Variants in ADNP observed in about 807,000 individuals in gnomAD.
ADNP encodes activity-dependent neuroprotector homeobox protein.
In ADNP, 4 loss-of-function variants were observed where a neutral mutation model predicts 84.9. The ratio of observed to expected loss-of-function variants is 0.05; its 90% CI spans 0.02 to 0.11. ADNP has a LOEUF of 0.11. Among genes scored for constraint, ADNP ranks in the 10% least tolerant of loss-of-function variants. The pLI is 1.00. For synonymous variants in ADNP, 554 were observed against 468.1 expected (o/e 1.18, Z -2.37); for missense variants, 1,132 against 1,326.0 (o/e 0.85, Z 2.27).
At chr20:50,916,451 G>A (rs889835856) in intron 2 of ADNP, among the ~76,000 whole-genome samples, 2 of 152,026 alleles carry the variant, frequency 1.3e-5, no homozygotes, top group African/African-American at 2.4e-5. Flanking sequence ...TTTAAGACAC[G>A]CCCCTCTTCT....
rs539899954 is a variant in ADNP, at chr20:50,893,652, G to A, written c.1062C>T (p.Asn354=). 50 of 1,614,130 alleles carry A rather than the reference G, an allele frequency of 3.1e-5. No individual in the cohort carries two copies. Among genetic ancestry groups the A allele is most frequent in the Middle Eastern group, 1.6e-4 (1 of 6,062 alleles). ...ATTGTTGAGGAATGGAAACTGGTGC[G>A]TTGCCACCTAGACCCAGTCTCATTG... ...GQSMRLGLGG[N]APVSIPQQSQ... The change falls in exon 6 of 6, where the codon AAC becomes AAT. Residue 354 remains asparagine, a synonymous_variant. Transcript: ENST00000621696. The surrounding 1 kb of genome is among the most constrained non-coding windows in gnomAD (Gnocchi z 4.4).
At position 50,901,321 on chromosome 20, in the gene ADNP, T is replaced by TAAAAA. The variant is rs11470054; in HGVS notation, c.201+691_201+695dup. Among the ~76,000 whole-genome samples the TAAAAA allele has an allele frequency of 6.4e-4, 59 of 92,754 alleles. 2 individuals carry two copies. The highest frequency in any genetic ancestry group is 1.4e-3 in the African/African-American group (34 of 24,228). The allele number at this position is 92,754 out of a possible 152,430, so 60.9% of individuals were successfully genotyped here. The stretch of plus-strand genomic sequence containing the variant: ...GGTTAGTAACTTTGCCTGGGGTATT[T>TAAAAA]AAAAAAAAAAAAAAAAAAAAAAAAA... On this transcript the variant is annotated intron_variant, in intron 5 of 5. Transcript: ENST00000621696.
At chr20:50,917,230 GT>G (rs1446842386) in intron 2 of ADNP, among the ~76,000 whole-genome samples, 2 of 152,194 alleles carry the variant, frequency 1.3e-5, no homozygotes, top group African/African-American at 4.8e-5. Context: ...AATACCCAAG[GT>G]TGAAATGGTC....
intron 4 of ADNP, among the ~76,000 whole-genome samples, chr20:50,903,071 G>C (rs961396619): frequency 1.2e-4 from 19 of 152,210 alleles, no homozygotes; most frequent in Non-Finnish European, 2.6e-4. Context: ...AACACTTACT[G>C]ATCACCTATT....
chr20:50,901,025 T>C (rs1981920203), intron 5 of ADNP, among the ~76,000 whole-genome samples: 1 of 152,200 alleles, frequency 6.6e-6, no homozygotes, highest in Non-Finnish European at 1.5e-5. Flanking sequence ...TATACTGATA[T>C]CAAAGAGCAA....
chr20:50,921,879 T>G (rs1289131717), intron 2 of ADNP, among the ~76,000 whole-genome samples: 1 of 152,148 alleles, frequency 6.6e-6, no homozygotes, highest in African/African-American at 2.4e-5. Context: ...TATACCAATT[T>G]AGATTTAGGG....
Position 50,893,731 on chromosome 20 carries a change from T to C in ADNP, c.983A>G (p.Gln328Arg), listed in dbSNP as rs375259330. 6.2e-7 allele frequency: 1 copy of C among 1,614,074 alleles called. No homozygotes were observed. Among genetic ancestry groups the C allele is most frequent in the Non-Finnish European group, 8.5e-7 (1 of 1,180,058 alleles). ...GVNMMSSVHL[Q>R]QNNYGVKSVG... ...AGATTTGACTCCATAGTTGTTCTGCTGCAGATGAACACTGGACATCATGTT... is the reference window on the plus strand; with the variant it reads ...AGATTTGACTCCATAGTTGTTCTGCCGCAGATGAACACTGGACATCATGTT... The change falls in exon 6 of 6, where the codon CAG becomes CGG. Residue 328 changes from glutamine (Q) to arginine (R), a missense_variant. This residue lies in a region of ADNP where 239 missense variants were observed against 213.2 expected (regional missense o/e 1.12). Coordinates refer to ENST00000621696, the MANE Select transcript of ADNP (RefSeq NM_001282531.3). The surrounding 1 kb of genome is among the most constrained non-coding windows in gnomAD (Gnocchi z 4.4).
chr20:50,921,911 T>C (rs962823278), intron 2 of ADNP, among the ~76,000 whole-genome samples: 5 of 152,190 alleles, frequency 3.3e-5, no homozygotes, highest in African/African-American at 4.8e-5. Flanking sequence ...TGAGGAGCAC[T>C]TCCCAGTTTA....
chr20:50,911,514 T>TC (rs1354988852), intron 2 of ADNP, among the ~76,000 whole-genome samples: 14 of 151,840 alleles, frequency 9.2e-5, no homozygotes, highest in East Asian at 7.7e-4. Context: ...TCTTTTCTTT[T>TC]TTTTTTTTTT....
At chr20:50,923,689 T>G (rs927133605) in intron 2 of ADNP, among the ~76,000 whole-genome samples, 1 of 152,134 alleles carries the variant, frequency 6.6e-6, no homozygotes, top group Non-Finnish European at 1.5e-5. Flanking sequence ...GGATAACTTT[T>G]GTATTTTTAG....
intron 1 of ADNP, among the ~76,000 whole-genome samples, chr20:50,930,040 T>TG (rs562873031): frequency 5.3e-5 from 8 of 150,836 alleles, no homozygotes; most frequent in East Asian, 3.9e-4. Flanking sequence ...GGATCAAGGT[T>TG]GGGGGGGAGG....
rs1195573009 is a variant in ADNP, at chr20:50,909,097, A to T, written c.-89-4248T>A. 2.0e-5 allele frequency among the ~76,000 whole-genome samples: 3 copies of T among 151,146 alleles called. No homozygotes were observed. In the East Asian group the frequency reaches 5.9e-4, roughly 29 times the overall value. On this transcript the variant is annotated intron_variant, in intron 2 of 5. Transcript: ENST00000621696. ...AAAAAAAAAAAAAAATTTGCCAGCC[A>T]TGGTGGCTCACGCCTATAATCCCAG...
At chr20:50,922,577 C>T (rs1337236858) in intron 2 of ADNP, among the ~76,000 whole-genome samples, 1 of 112,826 alleles carries the variant, frequency 8.9e-6, no homozygotes, top group Non-Finnish European at 1.7e-5. Context: ...AGTCCTCCTG[C>T]GTTTTTTTTT....
intron 5 of ADNP, among the ~76,000 whole-genome samples, chr20:50,896,864 G>GT (rs1281372562): frequency 1.3e-5 from 2 of 152,304 alleles, no homozygotes; most frequent in East Asian, 3.9e-4. Context: ...AGATTTGATT[G>GT]TAAGCAGATA....
chr20:50,894,654 G>A, intron 5 of ADNP, 142 bp from the exon 6 acceptor site: 2 of 887,868 alleles, frequency 2.3e-6, no homozygotes, highest in Non-Finnish European at 3.3e-6. Context: ...CAGCACTTTG[G>A]GAGGCTGAGG....
intron 5 of ADNP, 42 bp downstream of exon 5, chr20:50,901,975 C>T: frequency 2.8e-6 from 4 of 1,443,646 alleles, no homozygotes; most frequent in Non-Finnish European, 3.9e-6. Context: ...AGGGAGTATA[C>T]CAAGCATGCT....
chr20:50,902,862 C>G (rs1982121718), intron 4 of ADNP, among the ~76,000 whole-genome samples: 2 of 152,180 alleles, frequency 1.3e-5, no homozygotes, highest in South Asian at 4.1e-4. Context: ...AGTGAATGGA[C>G]TGTTTCATTT....
intron 4 of ADNP, among the ~76,000 whole-genome samples, chr20:50,903,542 CTATT>C (rs1982190776): frequency 6.6e-6 from 1 of 152,196 alleles, no homozygotes; most frequent in African/African-American, 2.4e-5. Flanking sequence ...AAGGCTGGGC[CTATT>C]TATTTGTTCT....
At chr20:50,928,355 G>A (rs1394021653) in intron 2 of ADNP, among the ~76,000 whole-genome samples, 1 of 152,204 alleles carries the variant, frequency 6.6e-6, no homozygotes, top group African/African-American at 2.4e-5. Context: ...AGCAACTCTA[G>A]AGATTGGGTT....
Sources: allele counts gnomAD v4.1 joint callset (sites outside exome capture counted in the v4.1 genomes callset), GRCh38; gene constraint gnomAD v4.1.1; regional missense constraint gnomAD v4.1.1; non-coding constraint Gnocchi (gnomAD v3.1); transcripts MANE v1.5; gene names NCBI Gene and HGNC (gene_info 2026-07-23, HGNC 2026-07-21).